FHIT: variants seen among roughly 807,000 people sequenced by gnomAD.
FHIT encodes the protein fragile histidine triad diadenosine triphosphatase.
A neutral mutation model predicts 17.9 loss-of-function variants in FHIT; 19 were observed. The ratio of observed to expected loss-of-function variants is 1.06; its 90% CI spans 0.74 to 1.56. The LOEUF (loss-of-function observed/expected upper bound fraction) is 1.56. Among genes scored for constraint, FHIT ranks in the 40% most tolerant of loss-of-function variants. FHIT has a pLI of 0.00. For synonymous variants in FHIT, 81 were observed against 69.7 expected, an observed-to-expected ratio of 1.16 and a Z score of -0.81; for missense variants, 248 against 189.2, an observed-to-expected ratio of 1.31 and a Z score of -1.82.
At chr3:60,887,050 G>A (rs1705257861) in intron 3 of FHIT, among the ~76,000 whole-genome samples, 2 of 152,200 alleles carry the variant, frequency 1.3e-5, no homozygotes, top group South Asian at 2.1e-4. Flanking sequence ...TATATATAAC[G>A]ATTGATATAA....
At chr3:60,649,949 T>C (rs570677285) in intron 4 of FHIT, among the ~76,000 whole-genome samples, 1 of 152,276 alleles carries the variant, frequency 6.6e-6, no homozygotes, top group South Asian at 2.1e-4. Context: ...CCATAATGGC[T>C]TCTGTTTTCA....
intron 5 of FHIT, among the ~76,000 whole-genome samples, chr3:60,506,730 G>A (rs2034746379): frequency 6.6e-6 from 1 of 152,076 alleles, no homozygotes; most frequent in African/African-American, 2.4e-5. Flanking sequence ...CCAGATAGGG[G>A]CTGCTTCTTC....
chr3:60,198,949 C>G (rs1702770053), intron 5 of FHIT, among the ~76,000 whole-genome samples: 1 of 152,106 alleles, frequency 6.6e-6, no homozygotes, highest in Non-Finnish European at 1.5e-5. Context: ...AACATATTTC[C>G]TCTCAGGTAA....
At chr3:60,020,570 A>G (rs2106731388) in intron 5 of FHIT, among the ~76,000 whole-genome samples, 1 of 152,298 alleles carries the variant, frequency 6.6e-6, no homozygotes, top group African/African-American at 2.4e-5. Context: ...CTGAACTAAT[A>G]AAAAAGAGTC....
intron 5 of FHIT, among the ~76,000 whole-genome samples, chr3:60,317,132 G>A (rs897215891): frequency 6.6e-6 from 1 of 151,992 alleles, no homozygotes; most frequent in African/African-American, 2.4e-5. Flanking sequence ...ACATTCTTAG[G>A]TTCAAACTGT....
intron 5 of FHIT, among the ~76,000 whole-genome samples, chr3:60,179,861 A>G (rs1701846470): frequency 6.6e-6 from 1 of 152,174 alleles, no homozygotes; most frequent in South Asian, 2.1e-4. Context: ...GCTACATGAA[A>G]GGAAACAGCT....
intron 8 of FHIT, among the ~76,000 whole-genome samples, chr3:59,900,894 G>A (rs183566012): frequency 5.9e-5 from 9 of 152,312 alleles, no homozygotes; most frequent in Non-Finnish European, 1.2e-4. Flanking sequence ...GATTACAGAC[G>A]TGAGCCACTG....
At chr3:60,476,014 G>C (rs538016605) in intron 5 of FHIT, among the ~76,000 whole-genome samples, 1 of 152,282 alleles carries the variant, frequency 6.6e-6, no homozygotes, top group South Asian at 2.1e-4. Flanking sequence ...TCCCGAAATA[G>C]TAGAGCTGTC....
intron 5 of FHIT, among the ~76,000 whole-genome samples, chr3:60,223,129 T>G (rs1273942515): frequency 6.6e-6 from 1 of 152,182 alleles, no homozygotes; most frequent in Admixed American, 6.5e-5. Flanking sequence ...AAGACTTTCT[T>G]CCAGGGATAG....
rs115124652 is a variant in FHIT at position 60,569,325 on chromosome 3, T to C, written c.-17-32346A>G. ...GGCCACCAAAGGACACTGGCGTGGT[T>C]TATTTCAGTACTGTGATAAAGTGAT... On this transcript the variant is annotated intron_variant, in intron 4 of 9. Coordinates refer to ENST00000492590, the MANE Select transcript of FHIT (RefSeq NM_002012.4). 4.7e-3 allele frequency among the ~76,000 whole-genome samples: 719 copies of C among 152,268 alleles called. 3 individuals carry two copies. The highest frequency in any genetic ancestry group is 0.017 in the African/African-American group (697 of 41,564).
At chr3:59,975,759 C>T (rs959148897) in intron 7 of FHIT, among the ~76,000 whole-genome samples, 1 of 151,994 alleles carries the variant, frequency 6.6e-6, no homozygotes, top group Non-Finnish European at 1.5e-5. Flanking sequence ...CATGTGGGAG[C>T]CTGGTAGGTC....
Position 60,700,653 on chromosome 3 carries a change from T to A in FHIT, c.-18+121266A>T, listed in dbSNP as rs535214582. Among the ~76,000 whole-genome samples, 29 of 152,298 alleles carry A rather than the reference T, an allele frequency of 1.9e-4. 1 individual carries two copies. In the South Asian group the frequency reaches 4.8e-3, roughly 25 times the overall value. ...GCAGAGTCAAAGAGCAAGTGTACCATTAATTTTGATAAATATATCCAGATT... is the reference window on the plus strand; with the variant it reads ...GCAGAGTCAAAGAGCAAGTGTACCAATAATTTTGATAAATATATCCAGATT... On this transcript the variant is annotated intron_variant, in intron 4 of 9. Coordinates refer to ENST00000492590, the MANE Select transcript of FHIT (RefSeq NM_002012.4).
intron 3 of FHIT, among the ~76,000 whole-genome samples, chr3:60,862,876 G>T (rs1373229232): frequency 6.6e-6 from 1 of 150,472 alleles, no homozygotes; most frequent in African/African-American, 2.4e-5. Context: ...AAAGATTCCT[G>T]TCCCTGGTTA....
chr3:60,334,249 T>A (rs1056357818), intron 5 of FHIT, among the ~76,000 whole-genome samples: 1 of 152,188 alleles, frequency 6.6e-6, no homozygotes, highest in African/African-American at 2.4e-5. Context: ...AGATTTGGAC[T>A]TGGAGTCACT....
At chr3:60,072,455 A>G (rs1461020084) in intron 5 of FHIT, among the ~76,000 whole-genome samples, 3 of 152,160 alleles carry the variant, frequency 2.0e-5, no homozygotes, top group Non-Finnish European at 4.4e-5. Flanking sequence ...CGTCAACAAC[A>G]ACAAAACATC....
intron 4 of FHIT, among the ~76,000 whole-genome samples, chr3:60,808,637 C>T (rs1490531155): frequency 6.6e-6 from 1 of 152,144 alleles, no homozygotes; most frequent in Non-Finnish European, 1.5e-5. Flanking sequence ...GTTTCCTTTA[C>T]AGCTGGAAAA....
At position 60,107,469 on chromosome 3, in the gene FHIT, G is replaced by A. The variant is rs552972164; in HGVS notation, c.104-93317C>T. On this transcript the variant is annotated intron_variant, in intron 5 of 9. Coordinates refer to ENST00000492590, the MANE Select transcript of FHIT (RefSeq NM_002012.4). ...TTCATGCATTGGGCAGCTTCTAACT[G>A]GAAGTCATTCACGAGCTCCACAGAG... Among the ~76,000 whole-genome samples, 7 of 152,262 alleles carry A rather than the reference G, an allele frequency of 4.6e-5. No individual in the cohort carries two copies. The South Asian group carries it at 1.2e-3, about 27-fold the overall frequency.
chr3:60,272,886 G>T (rs213343), intron 5 of FHIT, among the ~76,000 whole-genome samples: 111,051 of 152,148 alleles, frequency 0.73, 40,693 homozygotes, highest in East Asian at 0.93. Flanking sequence ...CAAGTGACTG[G>T]CAATGAGGGT....
At chr3:60,690,048 C>G (rs2040950085) in intron 4 of FHIT, among the ~76,000 whole-genome samples, 1 of 152,112 alleles carries the variant, frequency 6.6e-6, no homozygotes, top group African/African-American at 2.4e-5. Flanking sequence ...TAATCATAAA[C>G]TTAACTCTGC....
Sources: gnomAD v4.1 joint callset for allele counts (sites outside exome capture counted in the v4.1 genomes callset) on GRCh38, gnomAD v4.1.1 for gene constraint, MANE v1.5 for transcripts, NCBI Gene and HGNC (gene_info 2026-07-23, HGNC 2026-07-21) for gene names.